FAT1: variants seen among roughly 807,000 people sequenced by gnomAD.
FAT1 encodes the protein FAT atypical cadherin 1.
In FAT1, 171 loss-of-function variants were observed where a neutral mutation model predicts 329.8. The observed-to-expected ratio is 0.52, with a 90% CI of 0.46 to 0.59. FAT1 has a LOEUF of 0.59. Among genes scored for constraint, FAT1 ranks in the 20% least tolerant of loss-of-function variants. The pLI, the probability that FAT1 is intolerant of heterozygous loss-of-function variation, is 0.00. For missense variants in FAT1, 5,672 were observed against 5,774.4 expected, an observed-to-expected ratio of 0.98 and a Z score of 0.57; for synonymous variants, 2,233 against 2,228.6, an observed-to-expected ratio of 1.00 and a Z score of -0.06.
At chr4:186,723,452 T>A (rs919873077) in intron 1 of FAT1, among the ~76,000 whole-genome samples, 1 of 152,084 alleles carries the variant, frequency 6.6e-6, no homozygotes, top group African/African-American at 2.4e-5. Flanking sequence ...CGCCTCCTTT[T>A]CCCGCTCCGC....
In FAT1 at chr4:186,620,904, T is replaced by C; in HGVS notation, c.5682A>G (p.Lys1894=). ...YEASLLLPTY[K]GVKVITVNAT... is the part of the protein sequence containing the mutation. The stretch of plus-strand genomic sequence containing the variant: ...CATTTACTGTGATGACTTTTACTCC[T>C]TTGTATGTTGGTAACAAAAGAGATG... The change falls in exon 10 of 27, where the codon AAA becomes AAG. Residue 1894 remains lysine (K), a synonymous_variant. Coordinates refer to ENST00000441802, the MANE Select transcript of FAT1 (RefSeq NM_005245.4). 1 of 1,614,016 alleles carries C rather than the reference T, an allele frequency of 6.2e-7. No individual in the cohort carries two copies. Among genetic ancestry groups the C allele is most frequent in the East Asian group, 2.2e-5 (1 of 44,880 alleles).
At chr4:186,663,922 T>C (rs1742308886) in intron 2 of FAT1, among the ~76,000 whole-genome samples, 2 of 152,322 alleles carry the variant, frequency 1.3e-5, no homozygotes, top group South Asian at 2.1e-4. Context: ...ATTATCTCAC[T>C]GAAGTCTCAA....
At chr4:186,682,170 G>C (rs1164474143) in intron 2 of FAT1, among the ~76,000 whole-genome samples, 1 of 152,128 alleles carries the variant, frequency 6.6e-6, no homozygotes, top group Non-Finnish European at 1.5e-5. Context: ...TTCAGGACTA[G>C]GAATCAGGCA....
In FAT1 at chr4:186,588,694, C is replaced by T. The variant is rs777588238; in HGVS notation, c.13665G>A (p.Val4555=). 2 of 1,613,954 alleles carry T rather than the reference C, an allele frequency of 1.2e-6. No individual in the cohort carries two copies. Among genetic ancestry groups the T allele is most frequent in the South Asian group, 2.2e-5 (2 of 91,068 alleles). Reference sequence around the variant, plus strand: ...AGTCACTCATCATGACCTCGGACTCCACTTCGCAGCAGGCTGACACGTCAG... The same window carrying T: ...AGTCACTCATCATGACCTCGGACTCTACTTCGCAGCAGGCTGACACGTCAG... The part of the protein sequence containing the change: ...SCSDVSACCE[V]ESEVMMSDYE... The change falls in exon 27 of 27, where the codon GTG becomes GTA. Residue 4555 remains valine, a synonymous_variant. Coordinates refer to ENST00000441802, the MANE Select transcript of FAT1 (RefSeq NM_005245.4).
At chr4:186,675,274 A>G (rs943812445) in intron 2 of FAT1, among the ~76,000 whole-genome samples, 2 of 151,654 alleles carry the variant, frequency 1.3e-5, no homozygotes, top group African/African-American at 4.8e-5. Context: ...GTTTTAAGGA[A>G]AAACCCTCTT....
chr4:186,640,464 G>C (rs770486567), intron 3 of FAT1, among the ~76,000 whole-genome samples: 14 of 152,154 alleles, frequency 9.2e-5, no homozygotes, highest in Non-Finnish European at 1.8e-4. Flanking sequence ...AGAGATAACT[G>C]AGAGTTGACA....
rs959077216 is a variant in FAT1, at chr4:186,621,180, G to A, written c.5406C>T (p.Asp1802=). 3.7e-6 allele frequency: 6 copies of A among 1,613,908 alleles called. No individual in the cohort carries two copies. The African/African-American group carries it at 4.0e-5, about 11-fold the overall frequency. The part of the protein sequence containing the change: ...LVIRAADADK[D]SNALLVYHIV... Reference sequence around the variant, plus strand: ...TGTGATATACAAGCAAAGCATTTGAGTCTTTATCAGCATCAGCTGCTCGAA... The same window carrying A: ...TGTGATATACAAGCAAAGCATTTGAATCTTTATCAGCATCAGCTGCTCGAA... The change falls in exon 10 of 27, where the codon GAC becomes GAT. Residue 1802 remains aspartate, a synonymous_variant. Coordinates refer to ENST00000441802, the MANE Select transcript of FAT1 (RefSeq NM_005245.4).
intron 2 of FAT1, among the ~76,000 whole-genome samples, chr4:186,698,909 G>A (rs997489919): frequency 2.0e-5 from 3 of 152,186 alleles, no homozygotes; most frequent in East Asian, 1.9e-4. Context: ...CAACTGGCAC[G>A]CGCTACTTTC....
intron 2 of FAT1, among the ~76,000 whole-genome samples, chr4:186,671,123 A>G (rs1166431707): frequency 6.6e-6 from 1 of 152,190 alleles, no homozygotes; most frequent in Non-Finnish European, 1.5e-5. Context: ...TCCTTCAATT[A>G]AAAACTTTTT....
chr4:186,724,629 G>A (rs1745648670), upstream of FAT1, among the ~76,000 whole-genome samples: 3 of 152,186 alleles, frequency 2.0e-5, no homozygotes, highest in Admixed American at 1.3e-4. This position sits in a 1 kb window ranked among gnomAD's most constrained non-coding sequence, Gnocchi z 5.3. Flanking sequence ...CCAGCGCCGA[G>A]AAGCCCGCTC....
intron 2 of FAT1, among the ~76,000 whole-genome samples, chr4:186,688,893 A>G (rs922692134): frequency 3.9e-5 from 6 of 152,112 alleles, no homozygotes; most frequent in African/African-American, 1.4e-4. Flanking sequence ...CGCAATAAAT[A>G]TAAAGCAGAA....
At chr4:186,604,850 C>T (rs1470006348) in intron 17 of FAT1, among the ~76,000 whole-genome samples, 4 of 150,550 alleles carry the variant, frequency 2.7e-5, no homozygotes, top group Middle Eastern at 3.5e-3. Flanking sequence ...GAAGCAGACA[C>T]GAGGAGGAGT....
chr4:186,597,840 A>G, intron 23 of FAT1, 48 bp from the exon 24 acceptor site: 1 of 1,580,450 alleles, frequency 6.3e-7, no homozygotes, highest in South Asian at 1.1e-5. Flanking sequence ...CCTATTGCAA[A>G]TAAATACAGC....
chr4:186,692,304 G>C (rs1560996317), intron 2 of FAT1, among the ~76,000 whole-genome samples: 2 of 148,200 alleles, frequency 1.3e-5, no homozygotes, highest in African/African-American at 5.1e-5. Context: ...TACATCTTAG[G>C]TTATTTATTT....
At position 186,627,203 on chromosome 4, in the gene FAT1, C is replaced by T. The variant is rs530321603; in HGVS notation, c.4810+951G>A. Among the ~76,000 whole-genome samples the T allele has an allele frequency of 1.6e-3, 164 of 105,604 alleles. 2 individuals are homozygous for T. Among genetic ancestry groups the T allele is most frequent in the African/African-American group, 6.2e-3 (160 of 25,840 alleles). The allele number at this position is 105,604 out of a possible 152,430, so 69.3% of individuals were successfully genotyped here. On this transcript the variant is annotated intron_variant, in intron 9 of 26. Coordinates refer to ENST00000441802, the MANE Select transcript of FAT1 (RefSeq NM_005245.4). Reference sequence around the variant, plus strand: ...GAATGAATGAGGGACCAACATGGCACCTGGCACATAAAGTGAGCTTCACCA... The same window carrying T: ...GAATGAATGAGGGACCAACATGGCATCTGGCACATAAAGTGAGCTTCACCA...
At chr4:186,695,497 A>G (rs1176785851) in intron 2 of FAT1, among the ~76,000 whole-genome samples, 1 of 152,230 alleles carries the variant, frequency 6.6e-6, no homozygotes, top group Non-Finnish European at 1.5e-5. Context: ...ACTATATTAA[A>G]AAGGACAAAT....
chr4:186,707,597 AG>A lies in FAT1; in HGVS notation c.2230del (p.Asp745ThrfsTer22). Reference sequence around the variant, plus strand: ...CAGTTTTCCATTGAAGCCAGTGTCAAGGTCAGTGGAGTTCATGAAAATTACA... The same window carrying A: ...CAGTTTTCCATTGAAGCCAGTGTCAAGTCAGTGGAGTTCATGAAAATTACA... ...SSVIFMNSTDLDTGFNGKLVY... is the reference protein window; with the variant it reads ...SSVIFMNSTDXDTGFNGKLVY... On this transcript the variant is annotated frameshift_variant, in exon 2 of 27. Transcript: ENST00000441802. LOFTEE classifies it high-confidence loss of function. 1 of 1,614,024 alleles carries A rather than the reference AG, an allele frequency of 6.2e-7. No individual in the cohort carries two copies. The highest frequency in any genetic ancestry group is 8.5e-7 in the Non-Finnish European group (1 of 1,179,882).
intron 3 of FAT1, among the ~76,000 whole-genome samples, chr4:186,641,112 A>C (rs1741069643): frequency 6.6e-6 from 1 of 152,268 alleles, no homozygotes; most frequent in African/African-American, 2.4e-5. Context: ...CAATAAGTGA[A>C]AGGCTTGTGT....
Position 186,603,349 on chromosome 4 carries a change from A to G in FAT1, c.11177T>C (p.Ile3726Thr), listed in dbSNP as rs188435449. The G allele has an allele frequency of 2.3e-5, 37 of 1,614,000 alleles. No homozygotes were observed. Among genetic ancestry groups the G allele is most frequent in the African/African-American group, 1.7e-4 (13 of 75,048 alleles). ...NSSVTDIEEIIGVRILNVFQK... is the reference protein window; with the variant it reads ...NSSVTDIEEITGVRILNVFQK... ...GAATACATTCAGTATCCTAACTCCA[A>G]TGATTTCCTCAATGTCAGTCACGGA... is the stretch of plus-strand genomic sequence containing the variant. Residue 3726 changes from isoleucine (I) to threonine (T), a missense_variant, in exon 19 of 27, where the codon ATT (isoleucine) becomes ACT (threonine). Physicochemically the swap from Ile to Thr is moderately conservative, Grantham distance 89 (BLOSUM62 -1). Transcript: ENST00000441802.
Sources: allele counts gnomAD v4.1 joint callset (sites outside exome capture counted in the v4.1 genomes callset), GRCh38; gene constraint gnomAD v4.1.1; non-coding constraint Gnocchi (gnomAD v3.1); transcripts MANE v1.5; gene names NCBI Gene and HGNC (gene_info 2026-07-23, HGNC 2026-07-21).